Variants in SPDYA observed in about 807,000 individuals in gnomAD.
The protein encoded by SPDYA is speedy protein A.
A neutral mutation model predicts 36.7 loss-of-function variants in SPDYA; 11 were observed. The ratio of observed to expected loss-of-function variants is 0.30; its 90% CI spans 0.19 to 0.50. The LOEUF is 0.50. Ranked by LOEUF, SPDYA falls within the 20% of genes least tolerant of loss-of-function variation. The probability of loss-of-function intolerance (pLI) is 0.98; values close to 1 mark genes in which losing one functional copy is unlikely to be tolerated. For missense variants in SPDYA, 287 were observed against 370.9 expected (o/e 0.77, Z 1.86); for synonymous variants, 115 against 118.7 (o/e 0.97, Z 0.20).
intron 4 of SPDYA, among the ~76,000 whole-genome samples, chr2:28,819,901 T>A (rs1668113480): frequency 5.7e-5 from 6 of 105,252 alleles, no homozygotes; most frequent in East Asian, 2.7e-4. Flanking sequence ...TATATATATA[T>A]ATTTTATCCT....
Position 28,850,127 on chromosome 2 carries a change from C to A in SPDYA, c.*186C>A. ...AGCTAAAAATGCCAATCTATGGAAG[C>A]AGTGATTTTCAATATAAAGTTCTAT... On this transcript the variant is annotated 3_prime_UTR_variant, in exon 8 of 8. Transcript: ENST00000334056. 7.2e-7 allele frequency: 1 copy of A among 1,394,238 alleles called. No individual in the cohort carries two copies. Among genetic ancestry groups the A allele is most frequent in the Non-Finnish European group, 1.0e-6 (1 of 997,680 alleles). The allele number at this position is 1,394,238 out of a possible 1,614,324, so 86.4% of individuals were successfully genotyped here.
At position 28,849,986 on chromosome 2, in the gene SPDYA, C is replaced by A; in HGVS notation, c.*45C>A. The A allele has an allele frequency of 7.0e-7, 1 of 1,420,540 alleles. No homozygotes were observed. Among genetic ancestry groups the A allele is most frequent in the Non-Finnish European group, 9.8e-7 (1 of 1,023,286 alleles). 88.0% of individuals were successfully genotyped at this position (1,420,540 alleles called of 1,614,324 possible). On this transcript the variant is annotated 3_prime_UTR_variant, in exon 8 of 8. Coordinates refer to ENST00000334056, the MANE Select transcript of SPDYA (RefSeq NM_182756.4). The stretch of plus-strand genomic sequence containing the variant: ...TTTGGAATCATTAACTACAAAATGT[C>A]AAACTAACTGCAAGACAAGTGTCAA...
At chr2:28,841,665 C>G (rs1254487826) in intron 7 of SPDYA, among the ~76,000 whole-genome samples, 1 of 152,168 alleles carries the variant, frequency 6.6e-6, no homozygotes, top group Admixed American at 6.6e-5. Context: ...AAACTAGACT[C>G]TAAGATTCTT....
intron 4 of SPDYA, 103 bp from the exon 5 acceptor site, chr2:28,822,222 G>C: frequency 1.9e-6 from 1 of 513,108 alleles, no homozygotes; most frequent in Non-Finnish European, 3.5e-6. Context: ...ACACTTTATT[G>C]TTTTAGCTTA....
At chr2:28,827,119 T>G (rs1668347745) in intron 5 of SPDYA, among the ~76,000 whole-genome samples, 1 of 151,894 alleles carries the variant, frequency 6.6e-6, no homozygotes, top group Non-Finnish European at 1.5e-5. Flanking sequence ...GTTTGTATTT[T>G]TTAGTAGAGA....
chr2:28,840,942 T>G (rs893662761), intron 7 of SPDYA: 2 of 278,970 alleles, frequency 7.2e-6, no homozygotes, highest in South Asian at 1.4e-4. Flanking sequence ...TTTTTTTTTT[T>G]TTTTTTTTTT....
intron 6 of SPDYA, among the ~76,000 whole-genome samples, chr2:28,835,676 A>T (rs921162759): frequency 6.6e-6 from 1 of 152,246 alleles, no homozygotes; most frequent in African/African-American, 2.4e-5. Context: ...GAAACAATAA[A>T]CTATAAAATA....
chr2:28,822,990 T>C (rs1180827739), intron 5 of SPDYA, among the ~76,000 whole-genome samples: 3 of 151,338 alleles, frequency 2.0e-5, no homozygotes, highest in Non-Finnish European at 4.4e-5. Flanking sequence ...TCCCAAATTC[T>C]CCTCTTTGTG....
At chr2:28,824,301 G>C (rs1668258874) in intron 5 of SPDYA, among the ~76,000 whole-genome samples, 2 of 151,504 alleles carry the variant, frequency 1.3e-5, no homozygotes. Flanking sequence ...AACATAGTAA[G>C]TCTCTACACA....
In SPDYA at chr2:28,840,229, A is replaced by T; in HGVS notation, c.610A>T (p.Ser204Cys). The change falls in exon 7 of 8, where the codon AGT becomes TGT. Residue 204 changes from serine (S) to cysteine (C), a missense_variant. By Grantham distance (112) the Ser-to-Cys change is moderately radical (BLOSUM62 -1). Coordinates refer to ENST00000334056, the MANE Select transcript of SPDYA (RefSeq NM_182756.4). ...GCAAAGAGAACGTTCTGTTCATCAC[A>T]GTGGAGCTGTCAGAAACTACAACAG... ...IWQRERSVHHSGAVRNYNRDE... is the reference protein window; with the variant it reads ...IWQRERSVHHCGAVRNYNRDE... The T allele has an allele frequency of 6.2e-7, 1 of 1,614,212 alleles. No homozygotes were observed. The highest frequency in any genetic ancestry group is 8.5e-7 in the Non-Finnish European group (1 of 1,180,030).
chr2:28,811,252 G>A lies in SPDYA; in HGVS notation c.-93+305G>A, dbSNP rs181219219. Reference sequence around the variant, plus strand: ...CGGGTGAAGGTTCCAGGGGAAGGACGGGCAGGGCCGATACCGGAGGCTGCT... The same window carrying A: ...CGGGTGAAGGTTCCAGGGGAAGGACAGGCAGGGCCGATACCGGAGGCTGCT... On this transcript the variant is annotated intron_variant, in intron 1 of 7. Transcript: ENST00000334056. This position sits in a 1 kb window ranked among gnomAD's most constrained non-coding sequence, Gnocchi z 4.2. 1.3e-5 allele frequency: 2 copies of A among 152,308 alleles called. No individual in the cohort carries two copies. The highest frequency in any genetic ancestry group is 6.5e-5 in the Admixed American group (1 of 15,288). 9.4% of individuals were successfully genotyped at this position (152,308 alleles called of 1,614,324 possible).
At chr2:28,828,791 T>C (rs954160542) in intron 5 of SPDYA, among the ~76,000 whole-genome samples, 1 of 152,204 alleles carries the variant, frequency 6.6e-6, no homozygotes, top group Non-Finnish European at 1.5e-5. Context: ...TCATGGAGCA[T>C]TGAGAAGAGT....
chr2:28,824,484 A>AC (rs1188152153), intron 5 of SPDYA, among the ~76,000 whole-genome samples: 3 of 100,022 alleles, frequency 3.0e-5, no homozygotes, highest in Admixed American at 1.1e-4. Flanking sequence ...AGGAGAAAAA[A>AC]AAAAAAACAA....
At chr2:28,826,584 T>C (rs1229243810) in intron 5 of SPDYA, among the ~76,000 whole-genome samples, 1 of 151,278 alleles carries the variant, frequency 6.6e-6, no homozygotes, top group Non-Finnish European at 1.5e-5. Context: ...CACTTATCTT[T>C]GAAATTTTCT....
intron 7 of SPDYA, among the ~76,000 whole-genome samples, chr2:28,844,478 C>A (rs1428606848): frequency 6.6e-6 from 1 of 152,114 alleles, no homozygotes; most frequent in African/African-American, 2.4e-5. Context: ...AGCTTCCAGG[C>A]AGCCATGAAA....
chr2:28,831,277 G>C (rs1668473956), intron 6 of SPDYA, among the ~76,000 whole-genome samples: 1 of 152,152 alleles, frequency 6.6e-6, no homozygotes, highest in Non-Finnish European at 1.5e-5. Context: ...AGAATCACCT[G>C]AGCCCAGAAG....
intron 5 of SPDYA, among the ~76,000 whole-genome samples, chr2:28,827,599 GA>G (rs1352535725): frequency 1.3e-5 from 2 of 151,998 alleles, no homozygotes; most frequent in Non-Finnish European, 2.9e-5. Context: ...TTTCCAATGA[GA>G]AATCTACCCC....
chr2:28,839,253 A>G (rs985140937), intron 6 of SPDYA, among the ~76,000 whole-genome samples: 1 of 152,228 alleles, frequency 6.6e-6, no homozygotes. Flanking sequence ...CGGACTCTAA[A>G]GCCCATGTTT....
rs368865360 is a variant in SPDYA at position 28,814,348 on chromosome 2, GA to G, written c.-92-258del. On this transcript the variant is annotated intron_variant, in intron 1 of 7. Transcript: ENST00000334056. ...TATTCATCTAAAGTAACAAAAAAAA[GA>G]AAAAAAGATTGAGATATGCTGTAAG... is the stretch of plus-strand genomic sequence containing the variant. Among the ~76,000 whole-genome samples, 275 of 151,920 alleles carry G rather than the reference GA, an allele frequency of 1.8e-3. 1 individual carries two copies. Among genetic ancestry groups the G allele is most frequent in the Non-Finnish European group, 2.4e-3 (163 of 67,912 alleles).
Sources: allele counts gnomAD v4.1 joint callset (sites outside exome capture counted in the v4.1 genomes callset), GRCh38; gene constraint gnomAD v4.1.1; non-coding constraint Gnocchi (gnomAD v3.1); transcripts MANE v1.5; gene names NCBI Gene and HGNC (gene_info 2026-07-23, HGNC 2026-07-21).